Variants in EDA observed in about 807,000 individuals in gnomAD.
EDA encodes the protein ectodysplasin A.
A neutral mutation model predicts 23.6 loss-of-function variants in EDA; 2 were observed. That is an observed-to-expected ratio of 0.08 (90% CI 0.03 to 0.27). EDA has a LOEUF of 0.27. EDA is among the 10% of genes least tolerant of loss of function. The pLI, the probability that EDA is intolerant of heterozygous loss-of-function variation, is 1.00. For missense variants in EDA, 229 were observed against 324.2 expected, an observed-to-expected ratio of 0.71 and a Z score of 2.26; for synonymous variants, 131 against 132.0, an observed-to-expected ratio of 0.99 and a Z score of 0.05.
At position 70,009,564 on chromosome X, in the gene EDA, GGTTTTGTTTT is replaced by G. The variant is rs61286017; in HGVS notation, c.503-13622_503-13613del. ...AAGGGTGGATTTGTTTGTTTGTTTGGGTTTTGTTTTGTTTTGTTTTGTTTTGTTTTGTTTT... is the reference window on the plus strand; with the variant it reads ...AAGGGTGGATTTGTTTGTTTGTTTGGGTTTTGTTTTGTTTTGTTTTGTTTT... On this transcript the variant is annotated intron_variant, in intron 2 of 7. Coordinates refer to ENST00000374552, the MANE Select transcript of EDA (RefSeq NM_001399.5). Among the ~76,000 whole-genome samples, 160 of 107,549 alleles carry G rather than the reference GGTTTTGTTTT, an allele frequency of 1.5e-3. 1 individual carries two copies. The highest frequency in any genetic ancestry group is 1.6e-3 in the African/African-American group (48 of 29,248). 93.4% of individuals were successfully genotyped at this position (107,549 alleles called of 115,157 possible). A position where few individuals can be genotyped will look rare whatever the true frequency, so the allele number is the denominator to read the frequency against.
intron 1 of EDA, among the ~76,000 whole-genome samples, chrX:69,944,867 G>A (rs2018812032): frequency 8.9e-6 from 1 of 112,157 alleles, no homozygotes; most frequent in South Asian, 3.7e-4. Context: ...GGGATGGACA[G>A]TTCCAACCAC....
rs151168277 is a variant in EDA at position 69,994,935 on chromosome X, C to T, written c.503-28283C>T. ...TAGGAGCAGAAGACTATGAATAACACCAAAATATTTAGCTGTCTATTGAAA... is the reference window on the plus strand; with the variant it reads ...TAGGAGCAGAAGACTATGAATAACATCAAAATATTTAGCTGTCTATTGAAA... On this transcript the variant is annotated intron_variant, in intron 2 of 7. Coordinates refer to ENST00000374552, the MANE Select transcript of EDA (RefSeq NM_001399.5). Among the ~76,000 whole-genome samples, 877 of 111,959 alleles carry T rather than the reference C, an allele frequency of 7.8e-3. 8 individuals are homozygous for T. The highest frequency in any genetic ancestry group is 0.025 in the African/African-American group (786 of 30,862).
At chrX:69,793,519 A>T (rs2015459968) in intron 1 of EDA, among the ~76,000 whole-genome samples, 1 of 105,011 alleles carries the variant, frequency 9.5e-6, no homozygotes, top group Middle Eastern at 5.0e-3. Flanking sequence ...TTTGCCTTTA[A>T]GCTTGTCCCC....
intron 2 of EDA, among the ~76,000 whole-genome samples, chrX:70,017,405 A>C (rs982279605): frequency 9.0e-6 from 1 of 111,630 alleles, no homozygotes; most frequent in Middle Eastern, 4.6e-3. Context: ...GACAAAAAAA[A>C]CTTCAGGCCA....
intron 1 of EDA, among the ~76,000 whole-genome samples, chrX:69,919,607 TC>T (rs1485016666): frequency 1.8e-5 from 2 of 111,844 alleles, no homozygotes; most frequent in East Asian, 5.6e-4. Flanking sequence ...AAAGTTTAAT[TC>T]CAATAGTGGC....
intron 1 of EDA, among the ~76,000 whole-genome samples, chrX:69,712,270 C>T (rs182606162): frequency 6.3e-4 from 70 of 110,804 alleles, no homozygotes; most frequent in East Asian, 5.7e-3. Flanking sequence ...GTCATTCATT[C>T]GGAGTAATTA....
intron 1 of EDA, among the ~76,000 whole-genome samples, chrX:69,695,737 T>C: frequency 9.2e-6 from 1 of 108,194 alleles, no homozygotes. Flanking sequence ...CCTGACCTTG[T>C]GATCCACCCG....
At chrX:69,810,756 C>CA (rs55802103) in intron 1 of EDA, among the ~76,000 whole-genome samples, 38,412 of 85,091 alleles carry the variant, frequency 0.45, 7,572 homozygotes, top group East Asian at 0.71. Context: ...GACTCCATCT[C>CA]AAAAAAAAAA....
In EDA at chrX:69,748,585, C is replaced by T. The variant is rs918767861; in HGVS notation, c.396+131881C>T. ...AAAAGAAAAAAGAAAAGAAAGGCAT[C>T]TTTAGGATAATCAATACACCAACTG... On this transcript the variant is annotated intron_variant, in intron 1 of 7. Transcript: ENST00000374552. Among the ~76,000 whole-genome samples the T allele has an allele frequency of 5.4e-5, 6 of 111,581 alleles. No homozygotes were observed. The South Asian group carries it at 2.2e-3, about 42-fold the overall frequency.
intron 1 of EDA, among the ~76,000 whole-genome samples, chrX:69,692,068 T>G (rs1045043733): frequency 1.8e-5 from 2 of 111,289 alleles, no homozygotes; most frequent in Non-Finnish European, 3.8e-5. Flanking sequence ...GAAATAGGAA[T>G]TGAATGCTAC....
intron 1 of EDA, among the ~76,000 whole-genome samples, chrX:69,669,527 T>G (rs1933809163): frequency 8.9e-6 from 1 of 112,230 alleles, no homozygotes; most frequent in African/African-American, 3.2e-5. Context: ...TTTCAACTTC[T>G]ATCACATGCA....
intron 1 of EDA, among the ~76,000 whole-genome samples, chrX:69,885,063 A>G (rs2017807481): frequency 8.9e-6 from 1 of 112,107 alleles, no homozygotes; most frequent in Non-Finnish European, 1.9e-5. Flanking sequence ...GCATTTTCCT[A>G]GTGATTAATG....
chrX:69,833,965 A>G (rs370721076), intron 1 of EDA, among the ~76,000 whole-genome samples: 1 of 52,109 alleles, frequency 1.9e-5, no homozygotes, highest in Non-Finnish European at 3.3e-5. Flanking sequence ...CCCCTACCCC[A>G]CGACAGGCAC....
At chrX:69,818,842 A>G (rs1170949622) in intron 1 of EDA, among the ~76,000 whole-genome samples, 2 of 112,162 alleles carry the variant, frequency 1.8e-5, no homozygotes, top group African/African-American at 6.5e-5. Flanking sequence ...ATTGGAAAGG[A>G]AAGACTCCTC....
At position 69,862,232 on chromosome X, in the gene EDA, T is replaced by C. The variant is rs1028411555; in HGVS notation, c.397-94795T>C. 2.7e-5 allele frequency among the ~76,000 whole-genome samples: 3 copies of C among 111,202 alleles called. No individual in the cohort carries two copies. The Admixed American group carries it at 2.9e-4, about 11-fold the overall frequency. ...CTCTCCACAGGTTGCTTGAGTACCA[T>C]TATGACATGTTACCTGGCTTCCTCC... On this transcript the variant is annotated intron_variant, in intron 1 of 7. Transcript: ENST00000374552.
intron 1 of EDA, among the ~76,000 whole-genome samples, chrX:69,867,190 G>C (rs1453221412): frequency 8.9e-6 from 1 of 111,845 alleles, no homozygotes; most frequent in African/African-American, 3.3e-5. Flanking sequence ...CTGAACCCAT[G>C]CATAACCTCC....
At chrX:69,949,636 T>A (rs1224917397) in intron 1 of EDA, among the ~76,000 whole-genome samples, 1 of 111,350 alleles carries the variant, frequency 9.0e-6, no homozygotes. Context: ...CCATGATGGA[T>A]CTCAAAAACT....
intron 1 of EDA, among the ~76,000 whole-genome samples, chrX:69,636,490 A>G (rs1357742045): frequency 3.6e-5 from 4 of 110,102 alleles, no homozygotes; most frequent in African/African-American, 1.3e-4. Context: ...ACATCTGTGC[A>G]TGTTATTTAA....
At chrX:69,959,753 G>A (rs1193634088) in intron 2 of EDA, among the ~76,000 whole-genome samples, 1 of 106,216 alleles carries the variant, frequency 9.4e-6, no homozygotes, top group African/African-American at 3.4e-5. Flanking sequence ...CTGAGCAACA[G>A]GGAGAGAGAG....
Sources: allele counts gnomAD v4.1 joint callset (sites outside exome capture counted in the v4.1 genomes callset), GRCh38; gene constraint gnomAD v4.1.1; transcripts MANE v1.5; gene names NCBI Gene and HGNC (gene_info 2026-07-23, HGNC 2026-07-21).